Variants in TBC1D22A observed in about 807,000 individuals in gnomAD.
The protein encoded by TBC1D22A is putative GTPase activator.
TBC1D22A carries 38 observed loss-of-function variants against 60.2 expected under a neutral mutation model. That is an observed-to-expected ratio of 0.63 (90% CI 0.49 to 0.83). The LOEUF is 0.83. TBC1D22A is among the 40% of genes least tolerant of loss of function. The probability of loss-of-function intolerance (pLI) is 0.00; values close to 1 mark genes in which losing one functional copy is unlikely to be tolerated. For missense variants in TBC1D22A, 628 were observed against 701.0 expected, an observed-to-expected ratio of 0.90 and a Z score of 1.18; for synonymous variants, 302 against 281.7, an observed-to-expected ratio of 1.07 and a Z score of -0.72.
chr22:47,061,073 G>A (rs1244148652), intron 11 of TBC1D22A, among the ~76,000 whole-genome samples: 1 of 151,656 alleles, frequency 6.6e-6, no homozygotes, highest in Admixed American at 6.6e-5. Flanking sequence ...CCTCACCACG[G>A]TCCTGGAAAG....
intron 8 of TBC1D22A, among the ~76,000 whole-genome samples, chr22:46,951,681 G>A (rs182120912): frequency 4.1e-4 from 63 of 152,354 alleles, no homozygotes; most frequent in Middle Eastern, 6.8e-3. Flanking sequence ...GTGGACGAGT[G>A]TCTCAGTGAT....
chr22:47,088,379 A>T (rs1436626761), intron 11 of TBC1D22A, among the ~76,000 whole-genome samples: 1 of 152,210 alleles, frequency 6.6e-6, no homozygotes, highest in African/African-American at 2.4e-5. Context: ...CCAAGAGCCC[A>T]ATTTAAAGGG....
At chr22:47,078,659 C>G (rs984832930) in intron 11 of TBC1D22A, among the ~76,000 whole-genome samples, 8 of 152,222 alleles carry the variant, frequency 5.3e-5, no homozygotes, top group Non-Finnish European at 2.9e-5. Flanking sequence ...AACCTACCAC[C>G]CCATATACAA....
At chr22:47,069,910 C>CGGGGCTGACCTGACGGTTCCAG (rs2063911950) in intron 11 of TBC1D22A, among the ~76,000 whole-genome samples, 1 of 56,360 alleles carries the variant, frequency 1.8e-5, no homozygotes, top group Admixed American at 2.4e-4. Flanking sequence ...ACGGTTCCAG[C>CGGGGCTGACCTGACGGTTCCAG]GCTGTCCCCT....
intron 9 of TBC1D22A, among the ~76,000 whole-genome samples, chr22:46,996,661 C>G (rs2075131767): frequency 6.6e-6 from 1 of 152,216 alleles, no homozygotes. Context: ...TTGAAACCCT[C>G]CTTCTGAAAA....
At position 47,125,123 on chromosome 22, in the gene TBC1D22A, C is replaced by G. The variant is rs1287312666; in HGVS notation, c.1425+13520C>G. Among the ~76,000 whole-genome samples the G allele has an allele frequency of 2.8e-4, 42 of 152,104 alleles. 1 individual carries two copies. Among genetic ancestry groups the G allele is most frequent in the Admixed American group, 2.7e-3 (42 of 15,286 alleles). ...CCATGGGGCAGCGCCCTCCAGAGAC[C>G]CAGGCAAGGGGCGACATCTCTGCCC... On this transcript the variant is annotated intron_variant, in intron 12 of 12. Transcript: ENST00000337137.
intron 4 of TBC1D22A, among the ~76,000 whole-genome samples, chr22:46,826,083 G>C (rs143372360): frequency 3.9e-5 from 6 of 151,938 alleles, no homozygotes; most frequent in Non-Finnish European, 5.9e-5. Flanking sequence ...GGGTTTCACC[G>C]TGTTAGCCAT....
intron 4 of TBC1D22A, among the ~76,000 whole-genome samples, chr22:46,799,478 A>G (rs1043543587): frequency 6.6e-6 from 1 of 152,230 alleles, no homozygotes; most frequent in Admixed American, 6.5e-5. Flanking sequence ...CAATCAGGAA[A>G]TTTAACGTTG....
At chr22:47,001,681 A>G (rs2061416302) in intron 10 of TBC1D22A, among the ~76,000 whole-genome samples, 1 of 152,218 alleles carries the variant, frequency 6.6e-6, no homozygotes, top group South Asian at 2.1e-4. Flanking sequence ...AGATAAGAGC[A>G]TAAATCTGGA....
At chr22:46,972,602 G>C (rs966877082) in intron 8 of TBC1D22A, among the ~76,000 whole-genome samples, 9 of 152,314 alleles carry the variant, frequency 5.9e-5, no homozygotes, top group African/African-American at 2.2e-4. Flanking sequence ...ACTCCATAGA[G>C]ACAGAGGCAG....
intron 10 of TBC1D22A, among the ~76,000 whole-genome samples, chr22:47,002,932 G>A (rs1164264962): frequency 6.6e-6 from 1 of 152,202 alleles, no homozygotes; most frequent in African/African-American, 2.4e-5. Flanking sequence ...CAGCATCGAA[G>A]CTGTCGCCAG....
chr22:46,968,935 A>C (rs747769743), intron 8 of TBC1D22A, among the ~76,000 whole-genome samples: 6 of 152,152 alleles, frequency 3.9e-5, no homozygotes, highest in Non-Finnish European at 5.9e-5. Context: ...ACCCATATCC[A>C]TCTGTCCACT....
At chr22:47,075,327 A>C (rs752901565) in intron 11 of TBC1D22A, among the ~76,000 whole-genome samples, 4 of 151,826 alleles carry the variant, frequency 2.6e-5, no homozygotes, top group African/African-American at 7.3e-5. Flanking sequence ...TAGGGTGCTG[A>C]GCTTTCAATA....
chr22:47,014,801 G>A (rs924212275), intron 10 of TBC1D22A, among the ~76,000 whole-genome samples: 3 of 152,112 alleles, frequency 2.0e-5, no homozygotes, highest in Admixed American at 6.5e-5. Flanking sequence ...TGGGTGTGGT[G>A]GGGGGGACTG....
intron 7 of TBC1D22A, among the ~76,000 whole-genome samples, chr22:46,899,562 C>G (rs1471278693): frequency 6.6e-6 from 1 of 152,164 alleles, no homozygotes; most frequent in Non-Finnish European, 1.5e-5. Flanking sequence ...ATGGCAAATC[C>G]CGAATGTGCC....
intron 8 of TBC1D22A, among the ~76,000 whole-genome samples, chr22:46,957,747 G>A (rs866349782): frequency 6.6e-6 from 1 of 152,248 alleles, no homozygotes; most frequent in Non-Finnish European, 1.5e-5. Context: ...CTGGGCAGGC[G>A]AGAGGTGAGG....
chr22:46,890,845 G>A (rs938634254), intron 5 of TBC1D22A, among the ~76,000 whole-genome samples: 13 of 152,316 alleles, frequency 8.5e-5, no homozygotes, highest in African/African-American at 2.9e-4. Flanking sequence ...TGTGCGTGGG[G>A]TGTGTGTGCG....
intron 11 of TBC1D22A, among the ~76,000 whole-genome samples, chr22:47,092,667 G>A (rs566091149): frequency 6.6e-6 from 1 of 152,312 alleles, no homozygotes; most frequent in African/African-American, 2.4e-5. Flanking sequence ...ACAGAACGTG[G>A]GTCGCTCACT....
intron 12 of TBC1D22A, among the ~76,000 whole-genome samples, chr22:47,127,393 G>GA (rs1556298949): frequency 1.7e-5 from 1 of 58,376 alleles, no homozygotes; most frequent in Non-Finnish European, 3.3e-5. Flanking sequence ...ACGCCCAGCT[G>GA]ATTTTTTTTT....
Sources: gnomAD v4.1 joint callset for allele counts (sites outside exome capture counted in the v4.1 genomes callset) on GRCh38, gnomAD v4.1.1 for gene constraint, MANE v1.5 for transcripts, NCBI Gene and HGNC (gene_info 2026-07-23, HGNC 2026-07-21) for gene names.